Variants in PRKD1 observed in about 807,000 individuals in gnomAD.
PRKD1 encodes the protein serine/threonine-protein kinase D1.
A neutral mutation model predicts 95.9 loss-of-function variants in PRKD1; 63 were observed. The ratio of observed to expected loss-of-function variants is 0.66; its 90% confidence interval spans 0.54 to 0.81. The LOEUF (loss-of-function observed/expected upper bound fraction) is 0.81, where lower values mean the gene tolerates loss of function less well. PRKD1 is among the 30% of genes least tolerant of loss of function. The pLI is 0.00. For synonymous variants in PRKD1, 425 were observed against 423.1 expected (o/e 1.00, Z -0.05); for missense variants, 1,048 against 1,165.3 (o/e 0.90, Z 1.47).
chr14:29,831,109 G>A (rs182529667), intron 1 of PRKD1, among the ~76,000 whole-genome samples: 1 of 152,292 alleles, frequency 6.6e-6, no homozygotes, highest in Admixed American at 6.5e-5. Flanking sequence ...AACATTTATT[G>A]AGTGATATGA....
At chr14:29,599,564 G>T (rs1893437559) in intron 14 of PRKD1, 92 bp downstream of exon 14, 3 of 1,226,946 alleles carry the variant, frequency 2.4e-6, no homozygotes, top group Non-Finnish European at 3.4e-6. Context: ...TGGAGGTAGG[G>T]ACTAAACAAC....
At chr14:29,588,434 T>G (rs543978407) in intron 16 of PRKD1, among the ~76,000 whole-genome samples, 47 of 152,346 alleles carry the variant, frequency 3.1e-4, no homozygotes, top group African/African-American at 1.1e-3. Flanking sequence ...GTGACCAATT[T>G]AATTTGAATT....
intron 1 of PRKD1, among the ~76,000 whole-genome samples, chr14:29,750,616 G>GCGCACACACACACACA (rs72239992): frequency 3.9e-4 from 58 of 148,480 alleles, no homozygotes; most frequent in African/African-American, 1.4e-3. Context: ...ATGAACGCGC[G>GCGCACACACACACACA]CACACACACA....
chr14:29,915,617 C>A (rs984513772), intron 1 of PRKD1, among the ~76,000 whole-genome samples: 1 of 152,086 alleles, frequency 6.6e-6, no homozygotes, highest in Non-Finnish European at 1.5e-5. Flanking sequence ...TAGTAGTGGC[C>A]TCCAAAGTGA....
At chr14:29,797,490 A>G (rs1889866533) in intron 1 of PRKD1, among the ~76,000 whole-genome samples, 1 of 152,204 alleles carries the variant, frequency 6.6e-6, no homozygotes, top group African/African-American at 2.4e-5. Flanking sequence ...AAACATGTAA[A>G]TATCATCTGA....
At position 29,599,615 on chromosome 14, in the gene PRKD1, A is replaced by G. The variant is rs780807637; in HGVS notation, c.2067+41T>C. 1.9e-6 allele frequency: 3 copies of G among 1,554,926 alleles called. No individual in the cohort carries two copies. The African/African-American group carries it at 4.1e-5, about 21-fold the overall frequency. ...TAGTTAAACAGTGATAACATTTGAT[A>G]TTAAATATTGTATTTTTTCCGTCTC... On this transcript the variant is annotated intron_variant, in intron 14 of 17. Transcript: ENST00000331968.
At chr14:29,679,100 T>C (rs185942302) in intron 2 of PRKD1, among the ~76,000 whole-genome samples, 4 of 152,176 alleles carry the variant, frequency 2.6e-5, no homozygotes, top group Non-Finnish European at 4.4e-5. Context: ...AACCAAACCA[T>C]GTGCTTCATT....
Position 29,643,796 on chromosome 14 carries a change from C to A in PRKD1, c.697-4892G>T, listed in dbSNP as rs112433449. ...TGCGTAAAAAATCAAACATAAAATT[C>A]TCTGAGATAAAAGTCACTTGACAAT... On this transcript the variant is annotated intron_variant, in intron 4 of 17. Coordinates refer to ENST00000331968, the MANE Select transcript of PRKD1 (RefSeq NM_002742.3). Among the ~76,000 whole-genome samples the A allele has an allele frequency of 1.3e-3, 195 of 152,244 alleles. 2 individuals carry two copies. The highest frequency in any genetic ancestry group is 4.2e-3 in the African/African-American group (173 of 41,554).
chr14:29,580,109 T>C (rs904276833), intron 16 of PRKD1, among the ~76,000 whole-genome samples: 4 of 152,158 alleles, frequency 2.6e-5, no homozygotes, highest in Non-Finnish European at 5.9e-5. Flanking sequence ...AATAAATTCA[T>C]GTCATTAATT....
chr14:29,633,932 C>G (rs936906751), intron 8 of PRKD1, among the ~76,000 whole-genome samples: 1 of 152,174 alleles, frequency 6.6e-6, no homozygotes. Flanking sequence ...CTCTTACGTA[C>G]GTACACAACC....
At chr14:29,675,197 G>C (rs1883085775) in intron 2 of PRKD1, among the ~76,000 whole-genome samples, 1 of 152,146 alleles carries the variant, frequency 6.6e-6, no homozygotes, top group Non-Finnish European at 1.5e-5. Flanking sequence ...CAGTTGGTCT[G>C]CTCTGGTTCA....
intron 1 of PRKD1, among the ~76,000 whole-genome samples, chr14:29,784,047 A>G (rs570279221): frequency 1.3e-5 from 2 of 152,296 alleles, no homozygotes; most frequent in South Asian, 4.1e-4. Flanking sequence ...CTTTGCTTAG[A>G]CCAATGTCCT....
At chr14:29,878,694 T>C (rs1472273942) in intron 1 of PRKD1, among the ~76,000 whole-genome samples, 1 of 152,122 alleles carries the variant, frequency 6.6e-6, no homozygotes, top group Non-Finnish European at 1.5e-5. Flanking sequence ...ATATGAAATA[T>C]TTAAGATAGC....
intron 13 of PRKD1, among the ~76,000 whole-genome samples, chr14:29,601,569 G>A (rs1893523707): frequency 6.6e-6 from 1 of 152,172 alleles, no homozygotes; most frequent in Admixed American, 6.5e-5. Flanking sequence ...CTCTCTCCTG[G>A]TCAGAGCTGA....
intron 4 of PRKD1, among the ~76,000 whole-genome samples, chr14:29,661,920 T>C (rs917252270): frequency 3.9e-5 from 6 of 152,216 alleles, no homozygotes; most frequent in Non-Finnish European, 7.3e-5. Context: ...AAATAGATTT[T>C]AAGCATTTTA....
At chr14:29,667,218 T>G (rs1197285744) in intron 2 of PRKD1, among the ~76,000 whole-genome samples, 1 of 152,020 alleles carries the variant, frequency 6.6e-6, no homozygotes, top group Non-Finnish European at 1.5e-5. Context: ...TTTACCGGAG[T>G]GACATCTCAA....
At chr14:29,842,810 GC>G (rs1203709128) in intron 1 of PRKD1, among the ~76,000 whole-genome samples, 1 of 152,108 alleles carries the variant, frequency 6.6e-6, no homozygotes, top group Non-Finnish European at 1.5e-5. Flanking sequence ...CCTTTGAACC[GC>G]TTTTTCTGAA....
At chr14:29,862,210 CTCTT>C (rs1566642290) in intron 1 of PRKD1, among the ~76,000 whole-genome samples, 2 of 152,186 alleles carry the variant, frequency 1.3e-5, no homozygotes. Flanking sequence ...ATGACTAAAT[CTCTT>C]TCTTTTTTGT....
At chr14:29,868,889 A>T in intron 1 of PRKD1, among the ~76,000 whole-genome samples, 1 of 152,228 alleles carries the variant, frequency 6.6e-6, no homozygotes, top group East Asian at 1.9e-4. Context: ...GTGCAAGGCA[A>T]ATACACTTAG....
Sources: allele counts gnomAD v4.1 joint callset (sites outside exome capture counted in the v4.1 genomes callset), GRCh38; gene constraint gnomAD v4.1.1; transcripts MANE v1.5; gene names NCBI Gene and HGNC (gene_info 2026-07-23, HGNC 2026-07-21).